DAB1: variants seen among roughly 807,000 people sequenced by gnomAD.
DAB1 encodes disabled homolog 1.
Under a neutral mutation model 64.6 loss-of-function variants are expected in DAB1, and 15 were observed. The ratio of observed to expected loss-of-function variants is 0.23; its 90% CI spans 0.16 to 0.36. DAB1 has a LOEUF of 0.36. Ranked by LOEUF, DAB1 falls within the 10% of genes least tolerant of loss-of-function variation. The pLI, the probability that DAB1 is intolerant of heterozygous loss-of-function variation, is 1.00. For missense variants in DAB1, 596 were observed against 706.7 expected (o/e 0.84, Z 1.78); for synonymous variants, 235 against 251.9 (o/e 0.93, Z 0.64).
At chr1:57,454,284 G>A (rs1184108600) in intron 7 of DAB1, among the ~76,000 whole-genome samples, 1 of 152,042 alleles carries the variant, frequency 6.6e-6, no homozygotes, top group African/African-American at 2.4e-5. Flanking sequence ...ACTGGATAAA[G>A]AAAATATGGT....
chr1:58,313,620 G>A (rs1162605600), intron 4 of DAB1, among the ~76,000 whole-genome samples: 2 of 152,134 alleles, frequency 1.3e-5, no homozygotes, highest in Non-Finnish European at 2.9e-5. Context: ...GATCTGGAGT[G>A]GCTAACAAAA....
At chr1:58,534,064 C>T (rs1284370669) in intron 1 of DAB1, 2 of 869,830 alleles carry the variant, frequency 2.3e-6, no homozygotes, top group East Asian at 2.4e-5. Context: ...GTCCATTCTG[C>T]ACCACAAAGA....
chr1:57,968,109 T>C (rs1645713450), intron 5 of DAB1, among the ~76,000 whole-genome samples: 1 of 152,188 alleles, frequency 6.6e-6, no homozygotes, highest in Non-Finnish European at 1.5e-5. Context: ...TGGATGTGTG[T>C]GTGTGTGAAT....
At chr1:58,293,828 T>C (rs887093630) in intron 4 of DAB1, among the ~76,000 whole-genome samples, 2 of 152,202 alleles carry the variant, frequency 1.3e-5, no homozygotes, top group African/African-American at 4.8e-5. Flanking sequence ...CTCAGAAATG[T>C]CCCAATGTGA....
intron 6 of DAB1, among the ~76,000 whole-genome samples, chr1:57,739,031 T>C (rs1295749219): frequency 6.6e-6 from 1 of 152,240 alleles, no homozygotes; most frequent in Non-Finnish European, 1.5e-5. Context: ...TCAGGTTTTA[T>C]AGCGCTGTCT....
intron 5 of DAB1, among the ~76,000 whole-genome samples, chr1:57,953,479 C>T (rs1182427025): frequency 6.6e-6 from 1 of 152,172 alleles, no homozygotes; most frequent in African/African-American, 2.4e-5. Context: ...ATCTTAAGGA[C>T]TTCTCTAGCC....
intron 4 of DAB1, among the ~76,000 whole-genome samples, chr1:58,212,656 C>G (rs900177039): frequency 1.3e-5 from 2 of 152,162 alleles, no homozygotes; most frequent in Non-Finnish European, 2.9e-5. Flanking sequence ...GTGGGGGAAA[C>G]TTAAACTCAT....
At chr1:57,667,905 T>G (rs1027175388) in intron 6 of DAB1, among the ~76,000 whole-genome samples, 2 of 151,854 alleles carry the variant, frequency 1.3e-5, no homozygotes, top group Non-Finnish European at 2.9e-5. Context: ...AGGGAGAGCA[T>G]TAGGACAAAT....
chr1:57,154,240 A>T (rs112237925), intron 2 of DAB1, among the ~76,000 whole-genome samples: 3 of 152,158 alleles, frequency 2.0e-5, no homozygotes, highest in Non-Finnish European at 4.4e-5. Flanking sequence ...CAGCTCTATG[A>T]ATTCAATTGT....
chr1:58,197,699 T>TA (rs1255856909), intron 4 of DAB1, among the ~76,000 whole-genome samples: 1 of 108,120 alleles, frequency 9.2e-6, no homozygotes, highest in Non-Finnish European at 1.9e-5. Flanking sequence ...CAGCGAGAGT[T>TA]ACACTTTTTT....
At chr1:58,160,795 T>C (rs576969959) in intron 4 of DAB1, among the ~76,000 whole-genome samples, 1 of 152,282 alleles carries the variant, frequency 6.6e-6, no homozygotes, top group South Asian at 2.1e-4. Flanking sequence ...CAATAAAGCA[T>C]GTGTTTGGAA....
At chr1:58,139,330 A>T (rs1654149134) in intron 5 of DAB1, among the ~76,000 whole-genome samples, 1 of 152,156 alleles carries the variant, frequency 6.6e-6, no homozygotes, top group African/African-American at 2.4e-5. Flanking sequence ...GAAATACCCG[A>T]GACTGAGCAA....
chr1:57,628,251 A>G (rs958328501), intron 7 of DAB1, among the ~76,000 whole-genome samples: 2 of 152,240 alleles, frequency 1.3e-5, no homozygotes, highest in Admixed American at 1.3e-4. Context: ...ATGCACTGAC[A>G]TGTAAAAAAG....
intron 5 of DAB1, among the ~76,000 whole-genome samples, chr1:57,987,874 G>A (rs1040942772): frequency 4.6e-5 from 7 of 151,520 alleles, no homozygotes; most frequent in Middle Eastern, 3.4e-3. Context: ...AACACTGGTC[G>A]GTTACTAATG....
intron 1 of DAB1, chr1:58,530,768 A>T: frequency 1.2e-6 from 1 of 858,020 alleles, no homozygotes; most frequent in Non-Finnish European, 2.0e-6. Flanking sequence ...CATTTTATAC[A>T]TTGAGACAGT....
At chr1:57,521,655 T>C (rs774571573) in intron 7 of DAB1, among the ~76,000 whole-genome samples, 4 of 152,180 alleles carry the variant, frequency 2.6e-5, no homozygotes, top group Non-Finnish European at 5.9e-5. Flanking sequence ...GTGACAGCCA[T>C]AGTATTTATA....
chr1:58,332,916 T>G (rs950912961), intron 4 of DAB1, among the ~76,000 whole-genome samples: 3 of 152,054 alleles, frequency 2.0e-5, no homozygotes, highest in African/African-American at 7.2e-5. Flanking sequence ...ATTTATTTAT[T>G]TATTTATTTT....
chr1:58,452,380 T>C (rs901180712), intron 3 of DAB1, among the ~76,000 whole-genome samples: 1 of 152,014 alleles, frequency 6.6e-6, no homozygotes, highest in Admixed American at 6.5e-5. Context: ...GATACCATTA[T>C]AACCCTATGA....
intron 3 of DAB1, among the ~76,000 whole-genome samples, chr1:58,378,124 A>T (rs1258500794): frequency 1.5e-5 from 2 of 129,350 alleles, no homozygotes; most frequent in Non-Finnish European, 3.4e-5. Context: ...CTTTGGTTTG[A>T]ATGTTCTCCC....
Sources: gnomAD v4.1 joint callset for allele counts (sites outside exome capture counted in the v4.1 genomes callset) on GRCh38, gnomAD v4.1.1 for gene constraint, MANE v1.5 for transcripts, NCBI Gene and HGNC (gene_info 2026-07-23, HGNC 2026-07-21) for gene names.